IL16: variants seen among roughly 807,000 people sequenced by gnomAD.
IL16 encodes interleukin 16.
A neutral mutation model predicts 110.1 loss-of-function variants in IL16; 67 were observed. The observed-to-expected ratio is 0.61, with a 90% CI of 0.50 to 0.75. The LOEUF is 0.75. Ranked by LOEUF, IL16 falls within the 30% of genes least tolerant of loss-of-function variation. The probability of loss-of-function intolerance (pLI) is 0.00; values close to 1 mark genes in which losing one functional copy is unlikely to be tolerated. For synonymous variants in IL16, 689 were observed against 662.9 expected (o/e 1.04, Z -0.61); for missense variants, 1,545 against 1,655.0 (o/e 0.93, Z 1.15).
Position 81,282,647 on chromosome 15 carries a change from G to T in IL16, c.1090G>T (p.Val364Leu). The T allele has an allele frequency of 6.2e-7, 1 of 1,612,524 alleles. No individual in the cohort carries two copies. Among genetic ancestry groups the T allele is most frequent in the Non-Finnish European group, 8.5e-7 (1 of 1,179,658 alleles). Reference protein sequence around the residue: ...VEVSLQKEAGVGLGIGLCSVP... With the variant: ...VEVSLQKEAGLGLGIGLCSVP... ...CCCTGTTCTGCTTCCAGAGGCCGGCGTGGGCCTGGGCATCGGCCTGTGCAG... is the reference window on the plus strand; with the variant it reads ...CCCTGTTCTGCTTCCAGAGGCCGGCTTGGGCCTGGGCATCGGCCTGTGCAG... Residue 364 changes from valine (V) to leucine (L), a missense_variant, in exon 9 of 19, where the codon GTG (valine) becomes TTG (leucine). Val to Leu is a conservative substitution (Grantham distance 32, BLOSUM62 1). Coordinates refer to ENST00000683961, the MANE Select transcript of IL16 (RefSeq NM_172217.5).
intron 6 of IL16, among the ~76,000 whole-genome samples, chr15:81,277,348 T>C (rs1232960461): frequency 6.6e-6 from 1 of 152,232 alleles, no homozygotes; most frequent in Non-Finnish European, 1.5e-5. Context: ...TAAGGCATGA[T>C]ATTTCTGCTT....
At position 81,247,266 on chromosome 15, in the gene IL16, C is replaced by G. The variant is rs370480313; in HGVS notation, c.313-12506C>G. On this transcript the variant is annotated intron_variant, in intron 2 of 18. Transcript: ENST00000683961. ...TTGATGATTAGCCCATTATTTTCAG[C>G]TTTTCTTCCTTTTTAATATAAGCAC... Among the ~76,000 whole-genome samples, 4 of 151,784 alleles carry G rather than the reference C, an allele frequency of 2.6e-5. No homozygotes were observed. In the East Asian group the frequency reaches 7.7e-4, roughly 29 times the overall value.
intron 7 of IL16, 30 bp from the exon 8 acceptor site, chr15:81,279,528 G>A: frequency 6.6e-7 from 1 of 1,525,632 alleles, no homozygotes; most frequent in East Asian, 2.3e-5. Flanking sequence ...GATTGCTGCT[G>A]GGTGTTGTAG....
intron 1 of IL16, chr15:81,188,403 G>T: frequency 2.2e-6 from 1 of 456,252 alleles, no homozygotes; most frequent in Non-Finnish European, 4.4e-6. Context: ...AGGCAGAGCT[G>T]GTACGTGTTG....
intron 2 of IL16, among the ~76,000 whole-genome samples, chr15:81,239,147 C>T (rs1345892052): frequency 6.6e-6 from 1 of 151,996 alleles, no homozygotes. Flanking sequence ...TCTCACATGA[C>T]TCGTGAATTC....
At chr15:81,270,959 T>C (rs1330086260) in intron 5 of IL16, among the ~76,000 whole-genome samples, 1 of 152,096 alleles carries the variant, frequency 6.6e-6, no homozygotes, top group East Asian at 1.9e-4. Flanking sequence ...GGATGACAAG[T>C]AGCAGTGAAG....
Position 81,308,651 on chromosome 15 carries a change from C to A in IL16, c.3852C>A (p.Ile1284=). ...QSETVQPGDE[I]LQLGGTAMQG... ...AGACAGTCCAGCCTGGAGATGAAAT[C>A]TTACAGCTGGGTGGCACTGCCATGC... Residue 1284 remains isoleucine (I), a synonymous_variant, in exon 19 of 19, where the codon ATC becomes ATA. Coordinates refer to ENST00000683961, the MANE Select transcript of IL16 (RefSeq NM_172217.5). 6.2e-7 allele frequency: 1 copy of A among 1,613,690 alleles called. No individual in the cohort carries two copies. The highest frequency in any genetic ancestry group is 1.1e-5 in the South Asian group (1 of 91,022).
At position 81,196,920 on chromosome 15, in the gene IL16, T is replaced by C; in HGVS notation, c.-334T>C. On this transcript the variant is annotated 5_prime_UTR_variant, in exon 1 of 19. Transcript: ENST00000683961. The stretch of plus-strand genomic sequence containing the variant: ...ACCTGTCCAGAGCAGGTGGTGAATA[T>C]TGTGTCCTACTCACGGCATCTCAAC... 8.1e-7 allele frequency: 1 copy of C among 1,229,108 alleles called. No homozygotes were observed. Among genetic ancestry groups the C allele is most frequent in the Non-Finnish European group, 1.0e-6 (1 of 963,736 alleles). 76.1% of individuals were successfully genotyped at this position (1,229,108 alleles called of 1,614,324 possible).
chr15:81,275,171 AC>A (rs1898840178), intron 6 of IL16, among the ~76,000 whole-genome samples: 1 of 151,500 alleles, frequency 6.6e-6, no homozygotes, highest in Admixed American at 6.6e-5. Flanking sequence ...AGGAAGGCAA[AC>A]CAGGATGTGT....
intron 10 of IL16, 134 bp downstream of exon 10, chr15:81,285,964 T>C (rs1473327244): frequency 6.4e-6 from 6 of 939,338 alleles, no homozygotes; most frequent in Non-Finnish European, 9.8e-6. Context: ...CTTCCAAGTT[T>C]CTGTAGTAAG....
chr15:81,233,721 G>C (rs1897091740), intron 2 of IL16, among the ~76,000 whole-genome samples: 1 of 151,694 alleles, frequency 6.6e-6, no homozygotes, highest in South Asian at 2.1e-4. Flanking sequence ...TGTCTATTAG[G>C]TCAAATTCCA....
intron 1 of IL16, chr15:81,183,026 T>A (rs1895367458): frequency 2.1e-6 from 1 of 474,146 alleles, no homozygotes; most frequent in Non-Finnish European, 3.9e-6. Flanking sequence ...TATGAGTGAG[T>A]GTGTGTGTGC....
intron 1 of IL16, among the ~76,000 whole-genome samples, chr15:81,222,899 T>A (rs1896666807): frequency 6.6e-6 from 1 of 152,080 alleles, no homozygotes; most frequent in Non-Finnish European, 1.5e-5. Context: ...GTTACTAGTT[T>A]TGGGAAGTGG....
At chr15:81,226,283 A>G (rs1470812723) in intron 2 of IL16, among the ~76,000 whole-genome samples, 1 of 152,182 alleles carries the variant, frequency 6.6e-6, no homozygotes. Flanking sequence ...GTGTCTGGGG[A>G]CCTGCCAGAA....
intron 10 of IL16, among the ~76,000 whole-genome samples, chr15:81,288,307 C>T (rs1024720680): frequency 3.3e-5 from 5 of 152,196 alleles, no homozygotes; most frequent in Non-Finnish European, 5.9e-5. Context: ...CTCCAAGAGC[C>T]TCTGGTTCCT....
Position 81,278,822 on chromosome 15 carries a change from G to A in IL16, c.796G>A (p.Glu266Lys). The change falls in exon 7 of 19, where the codon GAA (glutamate) becomes AAA (lysine). Residue 266 changes from glutamate to lysine, a missense_variant. Physicochemically the swap from Glu to Lys is moderately conservative, Grantham distance 56 (BLOSUM62 1). Around this residue, in one of 3 missense-constraint regions of IL16, gnomAD observed 1,185 missense variants for 1,238.8 expected, o/e 0.96. Coordinates refer to ENST00000683961, the MANE Select transcript of IL16 (RefSeq NM_172217.5). ...CACTTTCTCTCTCTAAACAGGTGAT[G>A]AAATTCTGGAGCTCAATGGTGAATC... Reference protein sequence around the residue: ...AADGRLQEGDEILELNGESMA... With the variant: ...AADGRLQEGDKILELNGESMA... The A allele has an allele frequency of 6.2e-7, 1 of 1,608,938 alleles. No homozygotes were observed. Among genetic ancestry groups the A allele is most frequent in the South Asian group, 1.1e-5 (1 of 90,968 alleles).
In IL16 at chr15:81,299,561, T is replaced by G. The variant is rs1900159139; in HGVS notation, c.2235T>G (p.Asn745Lys). The G allele has an allele frequency of 2.5e-6, 4 of 1,613,988 alleles. No individual in the cohort carries two copies. The highest frequency in any genetic ancestry group is 3.4e-6 in the Non-Finnish European group (4 of 1,180,032). Residue 745 changes from asparagine (N) to lysine (K), a missense_variant, in exon 14 of 19, where the codon AAT becomes AAG. Transcript: ENST00000683961. The part of the protein sequence containing the change: ...HMPLQPNASL[N>K]EEEGTQGHPD... ...CTCTACAGCCCAATGCCAGCCTGAA[T>G]GAAGAAGAAGGGACACAGGGCCACC...
At chr15:81,220,747 T>C (rs1425753613) in intron 1 of IL16, among the ~76,000 whole-genome samples, 1 of 142,886 alleles carries the variant, frequency 7.0e-6, no homozygotes, top group Non-Finnish European at 1.5e-5. Flanking sequence ...TAGCTTTGCC[T>C]AGCACAAAAA....
At chr15:81,239,035 C>CT (rs1332195137) in intron 2 of IL16, among the ~76,000 whole-genome samples, 3 of 149,014 alleles carry the variant, frequency 2.0e-5, no homozygotes, top group Admixed American at 6.7e-5. Context: ...AATGTGTCAT[C>CT]TTTTTGTTAT....
Sources: allele counts gnomAD v4.1 joint callset (sites outside exome capture counted in the v4.1 genomes callset), GRCh38; gene constraint gnomAD v4.1.1; regional missense constraint gnomAD v4.1.1; transcripts MANE v1.5; gene names NCBI Gene and HGNC (gene_info 2026-07-23, HGNC 2026-07-21).